DACH2: variants seen among roughly 807,000 people sequenced by gnomAD.
The protein encoded by DACH2 is dachshund homolog 2.
A neutral mutation model predicts 35.8 loss-of-function variants in DACH2; 17 were observed. That is an observed-to-expected ratio of 0.48 (90% CI 0.33 to 0.71). The LOEUF (loss-of-function observed/expected upper bound fraction) is 0.71. DACH2 is among the 30% of genes least tolerant of loss of function. The pLI is 0.02. For missense variants in DACH2, 469 were observed against 472.7 expected, an observed-to-expected ratio of 0.99 and a Z score of 0.07; for synonymous variants, 195 against 177.3, an observed-to-expected ratio of 1.10 and a Z score of -0.79.
chrX:86,603,469 G>A (rs959001868), intron 3 of DACH2, among the ~76,000 whole-genome samples: 1 of 109,098 alleles, frequency 9.2e-6, no homozygotes, highest in Non-Finnish European at 1.9e-5. Flanking sequence ...ATCCATTTTA[G>A]CATCAACTGT....
At chrX:86,653,312 T>C (rs980438520) in intron 4 of DACH2, among the ~76,000 whole-genome samples, 1 of 111,976 alleles carries the variant, frequency 8.9e-6, no homozygotes, top group African/African-American at 3.2e-5. Context: ...ACCTGTAGTA[T>C]GCGGTTTTGT....
intron 1 of DACH2, among the ~76,000 whole-genome samples, chrX:86,208,168 A>G (rs1388768010): frequency 3.6e-5 from 4 of 110,334 alleles, no homozygotes; most frequent in African/African-American, 1.3e-4. Context: ...AGGTATGAAT[A>G]TATCATAAAT....
At chrX:86,540,181 T>C (rs903953258) in intron 3 of DACH2, among the ~76,000 whole-genome samples, 36 of 112,280 alleles carry the variant, frequency 3.2e-4, no homozygotes, top group Admixed American at 2.5e-3. Flanking sequence ...TTCATCATTC[T>C]TCTGCTACTG....
At chrX:86,714,499 T>C (rs1271878176) in intron 5 of DACH2, 49 bp from the exon 6 acceptor site, 3 of 1,045,897 alleles carry the variant, frequency 2.9e-6, no homozygotes, top group Non-Finnish European at 3.8e-6. Flanking sequence ...TAACAAACTA[T>C]TTCAGATAAT....
At position 86,479,365 on chromosome X, in the gene DACH2, G is replaced by T. The variant is rs778669045; in HGVS notation, c.528-34914G>T. On this transcript the variant is annotated intron_variant, in intron 2 of 11. Transcript: ENST00000373125. ...CTGTGGGCACAGGCCTGAGGATGGA[G>T]CCCTCAACAGGTACCCCACCGTTTT... 9.0e-5 allele frequency among the ~76,000 whole-genome samples: 10 copies of T among 110,721 alleles called. No individual in the cohort carries two copies. In the East Asian group the frequency reaches 2.3e-3, roughly 25 times the overall value.
chrX:86,289,379 C>A (rs1397356561), intron 1 of DACH2, among the ~76,000 whole-genome samples: 1 of 106,478 alleles, frequency 9.4e-6, no homozygotes, highest in Non-Finnish European at 1.9e-5. Flanking sequence ...ATTCCCTTAG[C>A]TGCCTCGGTT....
At position 86,662,629 on chromosome X, in the gene DACH2, G is replaced by C. The variant is rs553208078; in HGVS notation, c.772+11462G>C. Among the ~76,000 whole-genome samples, 3 of 110,921 alleles carry C rather than the reference G, an allele frequency of 2.7e-5. No individual in the cohort carries two copies. The South Asian group carries it at 1.1e-3, about 42-fold the overall frequency. On this transcript the variant is annotated intron_variant, in intron 4 of 11. Transcript: ENST00000373125. ...AAGGTGGGAGATGGGGGTTATGTAAGTTCTTTCTACTGAAATAACATGAAC... is the reference window on the plus strand; with the variant it reads ...AAGGTGGGAGATGGGGGTTATGTAACTTCTTTCTACTGAAATAACATGAAC...
At chrX:86,155,574 GAA>G (rs36057822) in intron 1 of DACH2, among the ~76,000 whole-genome samples, 4,266 of 110,649 alleles carry the variant, frequency 0.039, 202 homozygotes, top group African/African-American at 0.13. Flanking sequence ...TTCTGAGAGA[GAA>G]ACAATGCTGT....
intron 7 of DACH2, among the ~76,000 whole-genome samples, chrX:86,757,965 ATTTC>A (rs982824351): frequency 9.0e-6 from 1 of 111,507 alleles, no homozygotes; most frequent in Non-Finnish European, 1.9e-5. Flanking sequence ...CAGCTTTTCT[ATTTC>A]TTTCTGATTC....
intron 3 of DACH2, among the ~76,000 whole-genome samples, chrX:86,649,670 G>T (rs1285696441): frequency 9.0e-6 from 1 of 111,192 alleles, no homozygotes; most frequent in South Asian, 3.8e-4. Flanking sequence ...GTGATGAAAA[G>T]TTTGCTTCAT....
At chrX:86,711,292 G>A (rs1053219753) in intron 5 of DACH2, among the ~76,000 whole-genome samples, 1 of 111,308 alleles carries the variant, frequency 9.0e-6, no homozygotes, top group Non-Finnish European at 1.9e-5. Context: ...CAGGAGAATC[G>A]CTTGAGCCCG....
At chrX:86,643,222 C>G (rs373843352) in intron 3 of DACH2, among the ~76,000 whole-genome samples, 3 of 99,209 alleles carry the variant, frequency 3.0e-5, no homozygotes, top group African/African-American at 1.1e-4. Context: ...ACTAGCTAGA[C>G]TAATTAAGAA....
chrX:86,236,154 G>A (rs1248572865), intron 1 of DACH2, among the ~76,000 whole-genome samples: 2 of 110,976 alleles, frequency 1.8e-5, no homozygotes, highest in Non-Finnish European at 3.8e-5. Context: ...ATAGATAAGG[G>A]ATACTAAATC....
intron 2 of DACH2, among the ~76,000 whole-genome samples, chrX:86,453,771 C>A (rs66566867): frequency 0.037 from 4,082 of 111,200 alleles, 81 homozygotes; most frequent in East Asian, 0.21. Flanking sequence ...ATCCAGCTTG[C>A]TGCTCTGTGT....
At chrX:86,552,054 G>T (rs2039056699) in intron 3 of DACH2, among the ~76,000 whole-genome samples, 1 of 111,610 alleles carries the variant, frequency 9.0e-6, no homozygotes, top group Admixed American at 9.6e-5. Flanking sequence ...AAACTATACA[G>T]TTATCTTTCT....
intron 5 of DACH2, among the ~76,000 whole-genome samples, chrX:86,701,807 T>G (rs1325164830): frequency 1.8e-5 from 2 of 111,347 alleles, no homozygotes; most frequent in Non-Finnish European, 3.8e-5. Context: ...AAGTGGGAGC[T>G]AAACCATGAA....
At chrX:86,577,019 T>C (rs1397253903) in intron 3 of DACH2, among the ~76,000 whole-genome samples, 2 of 111,975 alleles carry the variant, frequency 1.8e-5, no homozygotes, top group African/African-American at 6.5e-5. Context: ...TCTTTATTAA[T>C]TACCCAATCT....
At chrX:86,476,955 T>C (rs1338629829) in intron 2 of DACH2, among the ~76,000 whole-genome samples, 1 of 111,375 alleles carries the variant, frequency 9.0e-6, no homozygotes, top group Non-Finnish European at 1.9e-5. Flanking sequence ...TTCTGTAGTT[T>C]CCAAAATTCC....
At chrX:86,577,513 G>C (rs185390304) in intron 3 of DACH2, among the ~76,000 whole-genome samples, 1 of 111,507 alleles carries the variant, frequency 9.0e-6, no homozygotes, top group East Asian at 2.8e-4. Flanking sequence ...CAGAAATGTT[G>C]CAAAGATAGT....
Sources: allele counts gnomAD v4.1 joint callset (sites outside exome capture counted in the v4.1 genomes callset), GRCh38; gene constraint gnomAD v4.1.1; transcripts MANE v1.5; gene names NCBI Gene and HGNC (gene_info 2026-07-23, HGNC 2026-07-21).